ARB2A: variants seen among roughly 807,000 people sequenced by gnomAD.
ARB2A encodes ARB2 cotranscriptional regulator A.
chr5:94,031,939 T>C, the ARB2A span, among the ~76,000 whole-genome samples: 360 of 152,266 alleles, frequency 2.4e-3, no homozygotes, highest in African/African-American at 8.3e-3. Flanking sequence ...AACCATAAGC[T>C]CTGATGGTGT....
the ARB2A span, among the ~76,000 whole-genome samples, chr5:93,793,563 C>T: frequency 7.2e-4 from 109 of 152,134 alleles, no homozygotes; most frequent in Non-Finnish European, 1.3e-3. Context: ...CAATGACTGG[C>T]AAATAACAGG....
At chr5:93,920,454 T>G in the ARB2A span, among the ~76,000 whole-genome samples, 1 of 152,258 alleles carries the variant, frequency 6.6e-6, no homozygotes, top group South Asian at 2.1e-4. Flanking sequence ...GCAGAATATT[T>G]TGAATAAATA....
the ARB2A span, among the ~76,000 whole-genome samples, chr5:93,779,090 A>AGTGTGTGT: frequency 0.029 from 4,096 of 143,386 alleles, 114 homozygotes; most frequent in African/African-American, 0.066. Context: ...GTCATTTCAG[A>AGTGTGTGT]GTGTGTGTGT....
chr5:94,006,668 T>G, the ARB2A span, among the ~76,000 whole-genome samples: 1 of 152,322 alleles, frequency 6.6e-6, no homozygotes, highest in South Asian at 2.1e-4. Context: ...ATATTTTTTC[T>G]TATAGTGGAA....
chr5:94,074,153 T>C, the ARB2A span, among the ~76,000 whole-genome samples: 12 of 152,134 alleles, frequency 7.9e-5, no homozygotes, highest in African/African-American at 2.9e-4. Flanking sequence ...CAAATTACTT[T>C]AGATAGCAGA....
At chr5:93,971,775 C>T in the ARB2A span, among the ~76,000 whole-genome samples, 11 of 152,034 alleles carry the variant, frequency 7.2e-5, no homozygotes, top group South Asian at 2.1e-4. Context: ...TGGTTGGATT[C>T]CTCAATTTAA....
the ARB2A span, among the ~76,000 whole-genome samples, chr5:93,751,965 C>A: frequency 2.0e-5 from 3 of 152,134 alleles, no homozygotes; most frequent in Non-Finnish European, 4.4e-5. Flanking sequence ...ACACCACAGT[C>A]AGGCAGGAGA....
At chr5:93,878,863 C>T in the ARB2A span, among the ~76,000 whole-genome samples, 3 of 151,966 alleles carry the variant, frequency 2.0e-5, no homozygotes, top group South Asian at 6.2e-4. Flanking sequence ...GGGGAAGAAT[C>T]TACAGTAATT....
chr5:93,649,379 G>C, the ARB2A span, among the ~76,000 whole-genome samples: 1 of 152,100 alleles, frequency 6.6e-6, no homozygotes, highest in Non-Finnish European at 1.5e-5. Flanking sequence ...TCAAAGAAGA[G>C]CTCTGCACTG....
chr5:93,847,531 A>G, the ARB2A span, among the ~76,000 whole-genome samples: 2 of 152,228 alleles, frequency 1.3e-5, no homozygotes, highest in East Asian at 1.9e-4. Context: ...ATTTATTTTG[A>G]TCTGTTGAAA....
chr5:93,931,681 G>A, the ARB2A span, among the ~76,000 whole-genome samples: 1 of 151,778 alleles, frequency 6.6e-6, no homozygotes, highest in East Asian at 1.9e-4. Context: ...AAAGTACTAA[G>A]TGTACAGCTA....
the ARB2A span, among the ~76,000 whole-genome samples, chr5:93,622,431 T>G: frequency 6.6e-6 from 1 of 152,262 alleles, no homozygotes; most frequent in Non-Finnish European, 1.5e-5. Context: ...CGCTGAGACC[T>G]GGTAACCACA....
At chr5:93,877,785 C>T in the ARB2A span, among the ~76,000 whole-genome samples, 4 of 151,956 alleles carry the variant, frequency 2.6e-5, no homozygotes, top group African/African-American at 7.3e-5. Context: ...GCACTTATAA[C>T]GTGGGTTGTA....
At chr5:93,782,701 G>A in the ARB2A span, among the ~76,000 whole-genome samples, 5 of 152,102 alleles carry the variant, frequency 3.3e-5, no homozygotes, top group East Asian at 5.8e-4. Flanking sequence ...TTTCCAACAT[G>A]TTTGCAAGGT....
At chr5:94,031,632 C>T in the ARB2A span, among the ~76,000 whole-genome samples, 2 of 152,202 alleles carry the variant, frequency 1.3e-5, no homozygotes, top group African/African-American at 4.8e-5. Context: ...GTGTAGCTCA[C>T]AGGCCATTTG....
chr5:93,984,861 T>C, the ARB2A span, among the ~76,000 whole-genome samples: 30 of 152,326 alleles, frequency 2.0e-4, no homozygotes, highest in Non-Finnish European at 3.5e-4. Flanking sequence ...AAGAACTATA[T>C]GAAAAACAAT....
At chr5:93,682,976 G>C in the ARB2A span, 1 of 1,581,528 alleles carries the variant, frequency 6.3e-7, no homozygotes, top group Non-Finnish European at 8.6e-7. Flanking sequence ...TTGCATTTTT[G>C]CTTTAATGTC....
the ARB2A span, among the ~76,000 whole-genome samples, chr5:93,950,469 C>A: frequency 1.4e-4 from 21 of 151,970 alleles, no homozygotes; most frequent in Non-Finnish European, 2.9e-4. Flanking sequence ...ATGGTGAAAC[C>A]CCGTCTCTAC....
At chr5:93,754,263 A>C in the ARB2A span, among the ~76,000 whole-genome samples, 1 of 152,116 alleles carries the variant, frequency 6.6e-6, no homozygotes, top group South Asian at 2.1e-4. Flanking sequence ...CAGACAATAA[A>C]CTTCTGACAT....
Sources: allele counts gnomAD v4.1 joint callset (sites outside exome capture counted in the v4.1 genomes callset), GRCh38; gene constraint gnomAD v4.1.1; transcripts MANE v1.5; gene names NCBI Gene and HGNC (gene_info 2026-07-23, HGNC 2026-07-21).